The following MTF1 variants were observed in gnomAD, a reference collection of about 807,000 sequenced individuals.
MTF1 encodes the protein metal regulatory transcription factor 1, also known as MRE-binding transcription factor.
In MTF1, 22 loss-of-function variants were observed where a neutral mutation model predicts 70.4. That is an observed-to-expected ratio of 0.31 (90% CI 0.22 to 0.45). MTF1 has a LOEUF of 0.45. Among genes scored for constraint, MTF1 ranks in the 20% least tolerant of loss-of-function variants. The pLI is 1.00. For missense variants in MTF1, 649 were observed against 922.0 expected (o/e 0.70, Z 3.83); for synonymous variants, 333 against 352.8 (o/e 0.94, Z 0.63).
intron 5 of MTF1, among the ~76,000 whole-genome samples, 163 bp from the exon 6 acceptor site, chr1:37,835,378 T>G (rs933621026): frequency 4.6e-5 from 7 of 152,198 alleles, no homozygotes; most frequent in African/African-American, 1.7e-4. Context: ...GTCCTCAAAC[T>G]CAATGCTGAG....
rs894378600 is a variant in MTF1 at position 37,859,544 on chromosome 1, G to C, written c.-65C>G. 1 of 398,890 alleles carries C rather than the reference G, an allele frequency of 2.5e-6. No individual in the cohort carries two copies. Among genetic ancestry groups the C allele is most frequent in the African/African-American group, 2.1e-5 (1 of 48,636 alleles). The allele number at this position is 398,890 out of a possible 1,614,324, so 24.7% of individuals were successfully genotyped here. A position where few individuals can be genotyped will look rare whatever the true frequency, so the allele number is the denominator to read the frequency against. On this transcript the variant is annotated 5_prime_UTR_variant, in exon 1 of 11. Transcript: ENST00000373036. ...TTCGCCTTTTACCTCCGCGGCTCCC[G>C]GCAACGGCGGCAGCAGCAGCTTCTC...
chr1:37,818,959 C>G (rs1343341235), intron 9 of MTF1, among the ~76,000 whole-genome samples: 2 of 151,614 alleles, frequency 1.3e-5, no homozygotes, highest in African/African-American at 4.9e-5. Flanking sequence ...CACCACTGCA[C>G]TCCAGCCTGG....
chr1:37,825,086 G>A (rs1258417941), intron 7 of MTF1, among the ~76,000 whole-genome samples: 1 of 152,086 alleles, frequency 6.6e-6, no homozygotes, highest in Non-Finnish European at 1.5e-5. Context: ...TGCCTACAAA[G>A]TCCAGAGAGG....
intron 1 of MTF1, among the ~76,000 whole-genome samples, chr1:37,859,066 C>T (rs1214565079): frequency 6.6e-6 from 1 of 152,172 alleles, no homozygotes; most frequent in Non-Finnish European, 1.5e-5. Flanking sequence ...CTCTGGCTTA[C>T]GCAACCCCAC....
At chr1:37,849,997 CT>C (rs1284589231) in intron 2 of MTF1, among the ~76,000 whole-genome samples, 1 of 152,168 alleles carries the variant, frequency 6.6e-6, no homozygotes, top group East Asian at 1.9e-4. Context: ...AATCACAATA[CT>C]TTGGGAGGCC....
rs1303935033 is a variant in MTF1, at chr1:37,813,550, A to G, written c.*1586T>C. On this transcript the variant is annotated 3_prime_UTR_variant, in exon 11 of 11. Transcript: ENST00000373036. The stretch of plus-strand genomic sequence containing the variant: ...AATGCAGATCCCTTTACATTAGGGA[A>G]TGAAAATGCAAGGCAAAATTATGGC... 1 of 152,294 alleles carries G rather than the reference A, an allele frequency of 6.6e-6. No homozygotes were observed. Among genetic ancestry groups the G allele is most frequent in the African/African-American group, 2.4e-5 (1 of 41,476 alleles). 9.4% of individuals were successfully genotyped at this position (152,294 alleles called of 1,614,324 possible).
intron 2 of MTF1, among the ~76,000 whole-genome samples, chr1:37,856,623 C>T (rs1305198011): frequency 6.6e-6 from 1 of 151,554 alleles, no homozygotes; most frequent in Non-Finnish European, 1.5e-5. Flanking sequence ...CCTCAGCCTC[C>T]TGAGTAGCTG....
chr1:37,838,472 C>T (rs1275157514), intron 4 of MTF1, among the ~76,000 whole-genome samples, 153 bp downstream of exon 4: 1 of 152,164 alleles, frequency 6.6e-6, no homozygotes, highest in Non-Finnish European at 1.5e-5. Flanking sequence ...CTCTAATCTG[C>T]AGTGGTTGGT....
At chr1:37,826,631 T>C (rs1641005687) in intron 7 of MTF1, 1 of 435,036 alleles carries the variant, frequency 2.3e-6, no homozygotes, top group Non-Finnish European at 4.5e-6. Flanking sequence ...TTCCTTTTTT[T>C]TTTTTTCTTC....
intron 2 of MTF1, among the ~76,000 whole-genome samples, chr1:37,855,749 G>A (rs569678442): frequency 6.6e-6 from 1 of 152,138 alleles, no homozygotes; most frequent in Non-Finnish European, 1.5e-5. Flanking sequence ...CTGAGGTCAA[G>A]AGTTCGAGAC....
intron 9 of MTF1, among the ~76,000 whole-genome samples, chr1:37,820,418 TA>T (rs1640893323): frequency 6.6e-6 from 1 of 152,246 alleles, no homozygotes; most frequent in African/African-American, 2.4e-5. Context: ...TGCTTATGCT[TA>T]AATCCCAGCT....
chr1:37,820,696 T>C (rs983749677), intron 9 of MTF1, among the ~76,000 whole-genome samples: 2 of 152,198 alleles, frequency 1.3e-5, no homozygotes, highest in Non-Finnish European at 1.5e-5. Context: ...TAATGGTAGA[T>C]ACATGACATT....
At chr1:37,857,207 T>C in intron 2 of MTF1, 44 bp downstream of exon 2, 2 of 1,575,452 alleles carry the variant, frequency 1.3e-6, no homozygotes, top group Admixed American at 1.7e-5. Flanking sequence ...TTGTAAGGAC[T>C]TGCCCCAAAA....
intron 7 of MTF1, among the ~76,000 whole-genome samples, chr1:37,825,994 T>C (rs1378864016): frequency 1.3e-5 from 2 of 152,204 alleles, no homozygotes; most frequent in African/African-American, 2.4e-5. Context: ...CAGGGGGTTA[T>C]GGGTTGGGAG....
In MTF1 at chr1:37,810,110, A is replaced by G. The variant is rs1640687273; in HGVS notation, c.*5026T>C. 6.6e-6 allele frequency: 1 copy of G among 152,372 alleles called. No individual in the cohort carries two copies. The highest frequency in any genetic ancestry group is 6.5e-5 in the Admixed American group (1 of 15,282). 9.4% of individuals were successfully genotyped at this position (152,372 alleles called of 1,614,324 possible). Reference sequence around the variant, plus strand: ...CACATTCTCCAAAACACAACGAAGGATGTAGACTGTTGAGTCAAATAGCCC... The same window carrying G: ...CACATTCTCCAAAACACAACGAAGGGTGTAGACTGTTGAGTCAAATAGCCC... On this transcript the variant is annotated 3_prime_UTR_variant, in exon 11 of 11. Transcript: ENST00000373036.
chr1:37,826,556 A>G (rs1315708687), intron 7 of MTF1: 1 of 455,120 alleles, frequency 2.2e-6, no homozygotes, highest in Non-Finnish European at 4.4e-6. Flanking sequence ...TACAAGTATG[A>G]GCCACCACCA....
At chr1:37,825,291 C>T (rs896154662) in intron 7 of MTF1, among the ~76,000 whole-genome samples, 1 of 152,114 alleles carries the variant, frequency 6.6e-6, no homozygotes, top group African/African-American at 2.4e-5. Flanking sequence ...GGCTGGAGTG[C>T]AGTGGTATGA....
At chr1:37,847,032 T>G (rs1400734781) in intron 2 of MTF1, among the ~76,000 whole-genome samples, 4 of 152,202 alleles carry the variant, frequency 2.6e-5, no homozygotes, top group Admixed American at 1.3e-4. Flanking sequence ...GGCACTGGTA[T>G]CATTTCTTCT....
chr1:37,826,894 A>G (rs1641010691), intron 7 of MTF1, among the ~76,000 whole-genome samples: 1 of 152,084 alleles, frequency 6.6e-6, no homozygotes, highest in Admixed American at 6.5e-5. Context: ...CAGGAGAATT[A>G]CTTGAACCTG....
Sources: allele counts gnomAD v4.1 joint callset (sites outside exome capture counted in the v4.1 genomes callset), GRCh38; gene constraint gnomAD v4.1.1; transcripts MANE v1.5; gene names NCBI Gene and HGNC (gene_info 2026-07-23, HGNC 2026-07-21).